Variants in MAP4K4 observed in about 807,000 individuals in gnomAD.
MAP4K4 encodes HPK/GCK-like kinase HGK.
Under a neutral mutation model 189.6 loss-of-function variants are expected in MAP4K4, and 38 were observed. The ratio of observed to expected loss-of-function variants is 0.20; its 90% CI spans 0.15 to 0.26. MAP4K4 has a LOEUF of 0.26. Among genes scored for constraint, MAP4K4 ranks in the 10% least tolerant of loss-of-function variants. The pLI is 1.00. For missense variants in MAP4K4, 1,054 were observed against 1,726.9 expected (o/e 0.61, Z 6.91); for synonymous variants, 610 against 624.3 (o/e 0.98, Z 0.34).
At chr2:101,713,426 C>G (rs1168024780) in intron 2 of MAP4K4, among the ~76,000 whole-genome samples, 1 of 151,476 alleles carries the variant, frequency 6.6e-6, no homozygotes, top group African/African-American at 2.4e-5. Context: ...AAACTCATCT[C>G]TACTAAAAGT....
chr2:101,885,060 C>CT, intron 28 of MAP4K4, 127 bp from the exon 29 acceptor site: 1 of 464,970 alleles, frequency 2.2e-6, no homozygotes, highest in Non-Finnish European at 3.9e-6. Flanking sequence ...GAATTTTTCC[C>CT]CTGCTTGTTT....
exon 28 of MAP4K4, chr2:101,882,598 A>G: frequency 6.2e-7 from 1 of 1,611,154 alleles, no homozygotes; most frequent in Non-Finnish European, 8.5e-7. Context: ...GTTAAGAAAT[A>G]AAATACTTCA....
At chr2:101,722,807 C>T (rs1280754883) in intron 2 of MAP4K4, among the ~76,000 whole-genome samples, 2 of 152,204 alleles carry the variant, frequency 1.3e-5, no homozygotes, top group African/African-American at 4.8e-5. Flanking sequence ...TATCCATGTT[C>T]TCTACGTTGT....
At chr2:101,885,437 T>C (rs545485497) in intron 29 of MAP4K4, 150 bp downstream of exon 29, 3 of 511,492 alleles carry the variant, frequency 5.9e-6, no homozygotes, top group African/African-American at 5.8e-5. Flanking sequence ...AAACCATTTC[T>C]AATGTAATAA....
At chr2:101,706,503 C>T (rs1418809280) in intron 2 of MAP4K4, among the ~76,000 whole-genome samples, 1 of 152,174 alleles carries the variant, frequency 6.6e-6, no homozygotes, top group Non-Finnish European at 1.5e-5. Context: ...GCTTAGTTTT[C>T]TTTGTACCTA....
intron 4 of MAP4K4, among the ~76,000 whole-genome samples, chr2:101,824,973 G>A (rs2096283432): frequency 6.6e-6 from 1 of 152,202 alleles, no homozygotes; most frequent in Non-Finnish European, 1.5e-5. Context: ...GAAAAAGAAT[G>A]TTAGGGAATA....
chr2:101,842,412 A>G (rs901976541), intron 10 of MAP4K4, among the ~76,000 whole-genome samples, 197 bp from the exon 11 acceptor site: 2 of 152,118 alleles, frequency 1.3e-5, no homozygotes, highest in African/African-American at 4.8e-5. Flanking sequence ...TGTGGGGAGT[A>G]AGGCTGACCA....
intron 7 of MAP4K4, 138 bp downstream of exon 7, chr2:101,831,989 G>C: frequency 2.1e-6 from 2 of 968,650 alleles, no homozygotes; most frequent in Non-Finnish European, 3.0e-6. Flanking sequence ...AATTGCAGGT[G>C]CAAATTTTCC....
exon 32 of MAP4K4, chr2:101,888,797 A>T: frequency 3.7e-6 from 6 of 1,605,030 alleles, no homozygotes; most frequent in Non-Finnish European, 5.1e-6. Context: ...CCCCAAAAGC[A>T]TATATTCGAT....
intron 12 of MAP4K4, among the ~76,000 whole-genome samples, chr2:101,854,167 A>C (rs1048785427): frequency 1.3e-5 from 2 of 152,132 alleles, no homozygotes; most frequent in Non-Finnish European, 2.9e-5. Context: ...AAGAAAGAAT[A>C]CCTGATTTCT....
At chr2:101,712,705 A>AG (rs2046277529) in intron 2 of MAP4K4, among the ~76,000 whole-genome samples, 1 of 151,748 alleles carries the variant, frequency 6.6e-6, no homozygotes, top group Admixed American at 6.6e-5. Flanking sequence ...CATGTTGGCC[A>AG]GGCTGGTCTC....
intron 2 of MAP4K4, among the ~76,000 whole-genome samples, chr2:101,761,596 G>A (rs560007965): frequency 1.5e-5 from 2 of 137,432 alleles, no homozygotes; most frequent in African/African-American, 5.5e-5. Context: ...TCTCACTCTT[G>A]TTGCCGGGCT....
chr2:101,752,689 A>G (rs1027884104), intron 2 of MAP4K4, among the ~76,000 whole-genome samples: 2 of 152,220 alleles, frequency 1.3e-5, no homozygotes, highest in Non-Finnish European at 2.9e-5. Flanking sequence ...TAGCTGAAGA[A>G]AAAACCGAAG....
At chr2:101,887,024 CAAAAA>C (rs569902749) in intron 29 of MAP4K4, 59 bp from the exon 30 acceptor site, 983 of 845,262 alleles carry the variant, frequency 1.2e-3, no homozygotes, top group Middle Eastern at 2.1e-3. Context: ...GACTCCGTCT[CAAAAA>C]AAAAAAAAAA....
intron 16 of MAP4K4, among the ~76,000 whole-genome samples, chr2:101,863,436 A>T (rs977714053): frequency 7.2e-5 from 11 of 152,076 alleles, no homozygotes; most frequent in African/African-American, 2.7e-4. Context: ...TTTATCTTAC[A>T]ATTTTTCTGC....
At chr2:101,865,493 G>A (rs2097784850) in intron 18 of MAP4K4, among the ~76,000 whole-genome samples, 1 of 152,188 alleles carries the variant, frequency 6.6e-6, no homozygotes, top group Non-Finnish European at 1.5e-5. Flanking sequence ...GAGCTGCTCT[G>A]TCCAGTACGA....
exon 33 of MAP4K4, chr2:101,892,959 G>A: frequency 2.2e-6 from 1 of 456,360 alleles, no homozygotes; most frequent in Non-Finnish European, 4.4e-6. Flanking sequence ...TTTAACCTCA[G>A]TCATCAAAAG....
At chr2:101,870,317 G>A in exon 23 of MAP4K4, 1 of 1,613,030 alleles carries the variant, frequency 6.2e-7, no homozygotes, top group East Asian at 2.2e-5. Context: ...TTTGAGCAAT[G>A]GTGAAACGGA....
chr2:101,831,294 G>A (rs1020095914), intron 6 of MAP4K4, among the ~76,000 whole-genome samples: 1 of 152,036 alleles, frequency 6.6e-6, no homozygotes, highest in African/African-American at 2.4e-5. Flanking sequence ...GAAAACTTTC[G>A]TGAAATTCTT....
Sources: allele counts gnomAD v4.1 joint callset (sites outside exome capture counted in the v4.1 genomes callset), GRCh38; gene constraint gnomAD v4.1.1; transcripts MANE v1.5; gene names NCBI Gene and HGNC (gene_info 2026-07-23, HGNC 2026-07-21).